The following STK32A variants were observed in gnomAD, a reference collection of about 807,000 sequenced individuals.
The protein encoded by STK32A is serine/threonine-protein kinase 32A.
STK32A carries 41 observed loss-of-function variants against 53.2 expected under a neutral mutation model. The observed-to-expected ratio is 0.77, with a 90% CI of 0.60 to 1.00. The LOEUF is 1.00. Ranked by LOEUF, STK32A falls within the 50% of genes least tolerant of loss-of-function variation. The probability of loss-of-function intolerance (pLI) is 0.00; values close to 1 mark genes in which losing one functional copy is unlikely to be tolerated. For synonymous variants in STK32A, 166 were observed against 162.8 expected (o/e 1.02, Z -0.15); for missense variants, 458 against 485.8 (o/e 0.94, Z 0.54).
chr5:147,278,542 T>C (rs975222699), intron 3 of STK32A, among the ~76,000 whole-genome samples: 1 of 152,208 alleles, frequency 6.6e-6, no homozygotes, highest in African/African-American at 2.4e-5. Context: ...GAGTTACTTA[T>C]TTTCATGTGG....
At chr5:147,367,414 A>ATATTTCT (rs1389266677) in intron 8 of STK32A, among the ~76,000 whole-genome samples, 5 of 152,114 alleles carry the variant, frequency 3.3e-5, no homozygotes, top group Admixed American at 6.6e-5. Context: ...ATTTTCACTC[A>ATATTTCT]CATCCATGTG....
At chr5:147,355,777 TGTGA>T (rs1265353682) in intron 7 of STK32A, among the ~76,000 whole-genome samples, 4 of 127,190 alleles carry the variant, frequency 3.1e-5, no homozygotes, top group Non-Finnish European at 4.9e-5. Context: ...TATGTATGTG[TGTGA>T]GTGTGTGTGT....
chr5:147,349,181 G>A (rs1484970594), intron 6 of STK32A, among the ~76,000 whole-genome samples: 1 of 152,212 alleles, frequency 6.6e-6, no homozygotes, highest in African/African-American at 2.4e-5. Flanking sequence ...AAGAATGAGT[G>A]GCTACCTTTT....
downstream of STK32A, among the ~76,000 whole-genome samples, chr5:147,388,922 C>T (rs966848879): frequency 2.0e-5 from 3 of 152,170 alleles, no homozygotes; most frequent in African/African-American, 7.2e-5. Flanking sequence ...TCAGCTGCTG[C>T]CTCGGTCATG....
intron 4 of STK32A, among the ~76,000 whole-genome samples, chr5:147,286,094 A>G (rs1403228062): frequency 1.3e-5 from 2 of 152,192 alleles, no homozygotes; most frequent in African/African-American, 4.8e-5. Flanking sequence ...CTATGCAGCC[A>G]TAAAAAGGAA....
chr5:147,324,307 T>C (rs1754471800), intron 5 of STK32A, among the ~76,000 whole-genome samples: 1 of 152,168 alleles, frequency 6.6e-6, no homozygotes, highest in Admixed American at 6.5e-5. Context: ...TGAATTTTGG[T>C]ACTATTTTAT....
At chr5:147,375,002 G>T (rs1757170194) in intron 10 of STK32A, 88 bp from the exon 11 acceptor site, 1 of 1,263,816 alleles carries the variant, frequency 7.9e-7, no homozygotes, top group Non-Finnish European at 1.1e-6. Flanking sequence ...GCTCCGTTAA[G>T]ACTAAGTATT....
Position 147,370,649 on chromosome 5 carries a change from T to A in STK32A, c.661-5T>A, listed in dbSNP as rs1169498362. The A allele has an allele frequency of 1.1e-5, 17 of 1,600,802 alleles. No individual in the cohort carries two copies. The highest frequency in any genetic ancestry group is 1.4e-5 in the Non-Finnish European group (16 of 1,168,736). On this transcript the variant is annotated splice_region_variant and splice_polypyrimidine_tract_variant and intron_variant, in intron 8 of 12. Coordinates refer to ENST00000397936, the MANE Select transcript of STK32A (RefSeq NM_001112724.2). The stretch of plus-strand genomic sequence containing the variant: ...TGAAGACTTTTACTTCTTTTCTCCC[T>A]TAAGAGACCGTATCATATTCGCTCC...
intron 6 of STK32A, among the ~76,000 whole-genome samples, chr5:147,349,952 A>G (rs1755879457): frequency 4.6e-5 from 7 of 151,986 alleles, no homozygotes. Context: ...CTCTACTAAA[A>G]ATACAAAAAT....
intron 4 of STK32A, among the ~76,000 whole-genome samples, chr5:147,290,540 G>C (rs1217803508): frequency 1.3e-5 from 2 of 152,116 alleles, no homozygotes; most frequent in Non-Finnish European, 2.9e-5. Context: ...GATTCCCCAG[G>C]TGGCTTTTGT....
intron 4 of STK32A, among the ~76,000 whole-genome samples, chr5:147,287,218 T>C (rs562355348): frequency 6.6e-6 from 1 of 152,314 alleles, no homozygotes; most frequent in African/African-American, 2.4e-5. Flanking sequence ...CAGTATCTGT[T>C]ACCTCCTGTT....
intron 2 of STK32A, among the ~76,000 whole-genome samples, chr5:147,262,206 C>T (rs1027750483): frequency 6.6e-6 from 1 of 152,152 alleles, no homozygotes; most frequent in Admixed American, 6.5e-5. Context: ...GCAGAATCCT[C>T]ACCCCACTTC....
the STK32A span, chr5:147,397,597 G>T: frequency 1.3e-6 from 2 of 1,512,792 alleles, no homozygotes; most frequent in Non-Finnish European, 9.0e-7. Flanking sequence ...CTGTGTTCAT[G>T]GTTACTATCT....
At chr5:147,398,963 T>C in the STK32A span, 8 of 1,367,806 alleles carry the variant, frequency 5.8e-6, no homozygotes, top group Non-Finnish European at 7.9e-6. Context: ...GGGGATGGAT[T>C]ATTATTGCAA....
At chr5:147,400,558 T>C in the STK32A span, 2 of 1,244,672 alleles carry the variant, frequency 1.6e-6, no homozygotes, top group African/African-American at 1.5e-5. Context: ...GCCACATGGT[T>C]CCAGAGACAT....
chr5:147,271,147 T>G (rs1475517016), intron 2 of STK32A, among the ~76,000 whole-genome samples: 1 of 152,176 alleles, frequency 6.6e-6, no homozygotes, highest in Non-Finnish European at 1.5e-5. Flanking sequence ...GTTAAAACCA[T>G]GGCAGAAGAA....
At chr5:147,248,190 G>A (rs1753836418) in intron 2 of STK32A, among the ~76,000 whole-genome samples, 1 of 151,692 alleles carries the variant, frequency 6.6e-6, no homozygotes, top group South Asian at 2.1e-4. Flanking sequence ...TAGATAGTGA[G>A]TTAGATTTGG....
At position 147,262,885 on chromosome 5, in the gene STK32A, G is replaced by A. The variant is rs77826543; in HGVS notation, c.53-15239G>A. On this transcript the variant is annotated intron_variant, in intron 2 of 12. Transcript: ENST00000397936. The stretch of plus-strand genomic sequence containing the variant: ...GAACCCTCCAAAGACTCGGGAATTG[G>A]CACTGTCACGTGCCTCTAGAGCTAG... 9.8e-5 allele frequency among the ~76,000 whole-genome samples: 15 copies of A among 152,286 alleles called. No homozygotes were observed. The East Asian group carries it at 2.7e-3, about 27-fold the overall frequency.
chr5:147,278,083 A>G (rs1319473717), intron 2 of STK32A, 41 bp from the exon 3 acceptor site: 1 of 1,509,172 alleles, frequency 6.6e-7, no homozygotes, highest in Non-Finnish European at 9.0e-7. Context: ...CTAAAGAGAA[A>G]TTGATAATTA....
Sources: gnomAD v4.1 joint callset for allele counts (sites outside exome capture counted in the v4.1 genomes callset) on GRCh38, gnomAD v4.1.1 for gene constraint, MANE v1.5 for transcripts, NCBI Gene and HGNC (gene_info 2026-07-23, HGNC 2026-07-21) for gene names.